MDGA2: variants seen among roughly 807,000 people sequenced by gnomAD.
The protein encoded by MDGA2 is MAM domain-containing glycosylphosphatidylinositol anchor protein 2.
MDGA2 carries 40 observed loss-of-function variants against 117.8 expected under a neutral mutation model. The ratio of observed to expected loss-of-function variants is 0.34; its 90% confidence interval spans 0.26 to 0.44. The LOEUF is 0.44. Ranked by LOEUF, MDGA2 falls within the 20% of genes least tolerant of loss-of-function variation. MDGA2 has a pLI of 1.00. For missense variants in MDGA2, 1,123 were observed against 1,250.6 expected (o/e 0.90, Z 1.54); for synonymous variants, 452 against 439.0 (o/e 1.03, Z -0.37).
chr14:47,286,266 A>C (rs1006706721), intron 2 of MDGA2, among the ~76,000 whole-genome samples: 5 of 152,084 alleles, frequency 3.3e-5, no homozygotes, highest in African/African-American at 9.7e-5. Context: ...TTTGAAATGT[A>C]GAAAAATTTA....
chr14:47,550,152 C>G (rs1379996947), intron 1 of MDGA2, among the ~76,000 whole-genome samples: 1 of 152,094 alleles, frequency 6.6e-6, no homozygotes, highest in Non-Finnish European at 1.5e-5. Flanking sequence ...TACCCCTGCC[C>G]CCACGTCTTT....
At chr14:47,167,022 A>T (rs1344254608) in intron 3 of MDGA2, among the ~76,000 whole-genome samples, 3 of 152,166 alleles carry the variant, frequency 2.0e-5, no homozygotes, top group Admixed American at 2.0e-4. Flanking sequence ...GCACTCAGAA[A>T]ATTGGGAAAA....
chr14:46,927,067 CA>C (rs1282795101), intron 9 of MDGA2, among the ~76,000 whole-genome samples: 1 of 152,002 alleles, frequency 6.6e-6, no homozygotes, highest in African/African-American at 2.4e-5. Context: ...GAAAAGGAGT[CA>C]AAAATTTCAT....
At chr14:47,667,712 G>A (rs931785943) in intron 1 of MDGA2, among the ~76,000 whole-genome samples, 2 of 152,188 alleles carry the variant, frequency 1.3e-5, no homozygotes, top group African/African-American at 4.8e-5. Flanking sequence ...AAGACTTAGA[G>A]ACGCCTAGCT....
At chr14:47,415,610 A>G (rs1892459761) in intron 1 of MDGA2, among the ~76,000 whole-genome samples, 1 of 152,216 alleles carries the variant, frequency 6.6e-6, no homozygotes, top group South Asian at 2.1e-4. Context: ...GTATATTACT[A>G]TCTGCAGTCC....
At chr14:47,136,272 C>T (rs542789302) in intron 4 of MDGA2, among the ~76,000 whole-genome samples, 112 of 150,518 alleles carry the variant, frequency 7.4e-4, no homozygotes, top group Non-Finnish European at 1.2e-3. Context: ...AACCTCGGCT[C>T]GCTGAAACTC....
chr14:47,131,995 C>A (rs1882230257), intron 4 of MDGA2, 149 bp from the exon 5 acceptor site: 1 of 546,936 alleles, frequency 1.8e-6, no homozygotes, highest in Admixed American at 3.9e-5. Flanking sequence ...TCCTATCTTT[C>A]AAATAAGTTA....
chr14:47,036,374 C>A (rs964664148), intron 7 of MDGA2, among the ~76,000 whole-genome samples: 2 of 150,308 alleles, frequency 1.3e-5, no homozygotes, highest in African/African-American at 4.9e-5. Flanking sequence ...TTTACTGTAA[C>A]TTACTTTATT....
At chr14:47,625,008 A>G (rs1566546856) in intron 1 of MDGA2, among the ~76,000 whole-genome samples, 2 of 152,052 alleles carry the variant, frequency 1.3e-5, no homozygotes, top group African/African-American at 4.8e-5. Context: ...AATCACTGAA[A>G]CTCTCATTTT....
intron 1 of MDGA2, among the ~76,000 whole-genome samples, chr14:47,464,900 A>G (rs1893568168): frequency 6.6e-6 from 1 of 152,084 alleles, no homozygotes; most frequent in Non-Finnish European, 1.5e-5. Flanking sequence ...AAACAAAAAA[A>G]TAAAAACAAA....
chr14:47,415,084 G>T (rs1259099402), intron 1 of MDGA2, among the ~76,000 whole-genome samples: 1 of 152,058 alleles, frequency 6.6e-6, no homozygotes, highest in African/African-American at 2.4e-5. Flanking sequence ...ATTCTGATGT[G>T]ATGAAGACTC....
At chr14:47,582,708 G>C (rs1366386198) in intron 1 of MDGA2, among the ~76,000 whole-genome samples, 1 of 151,828 alleles carries the variant, frequency 6.6e-6, no homozygotes, top group Admixed American at 6.6e-5. Flanking sequence ...GTGCTACAGT[G>C]CTACATAACC....
At chr14:47,157,937 CT>C (rs1051958205) in intron 3 of MDGA2, among the ~76,000 whole-genome samples, 184 of 151,162 alleles carry the variant, frequency 1.2e-3, no homozygotes, top group Middle Eastern at 3.4e-3. Context: ...AATTAAATGT[CT>C]TTTTTTTGTA....
At chr14:47,490,923 A>G (rs1894155506) in intron 1 of MDGA2, among the ~76,000 whole-genome samples, 1 of 152,056 alleles carries the variant, frequency 6.6e-6, no homozygotes, top group African/African-American at 2.4e-5. Context: ...TGTATATGCA[A>G]TAAGAGGGAA....
At chr14:47,023,766 A>C (rs536395474) in intron 8 of MDGA2, among the ~76,000 whole-genome samples, 1 of 152,312 alleles carries the variant, frequency 6.6e-6, no homozygotes, top group South Asian at 2.1e-4. Context: ...GAATTCATAC[A>C]GAAACTAAGT....
intron 1 of MDGA2, among the ~76,000 whole-genome samples, chr14:47,319,838 T>G (rs1367324833): frequency 3.3e-5 from 5 of 152,314 alleles, no homozygotes; most frequent in Middle Eastern, 3.4e-3. Context: ...TGCTGGAGTC[T>G]CAACCTCCAT....
At chr14:47,660,907 G>A (rs568052291) in intron 1 of MDGA2, among the ~76,000 whole-genome samples, 1 of 151,518 alleles carries the variant, frequency 6.6e-6, no homozygotes, top group African/African-American at 2.4e-5. Flanking sequence ...ATGAGAGAGA[G>A]TCCTCAGTAT....
At chr14:47,591,866 C>T (rs1028893701) in intron 1 of MDGA2, among the ~76,000 whole-genome samples, 20 of 151,990 alleles carry the variant, frequency 1.3e-4, no homozygotes, top group African/African-American at 4.4e-4. Flanking sequence ...CTTTTGAAAA[C>T]CGGCACAAGA....
chr14:46,980,743 A>G (rs1376039324), intron 8 of MDGA2, among the ~76,000 whole-genome samples: 6 of 152,220 alleles, frequency 3.9e-5, no homozygotes, highest in African/African-American at 1.4e-4. Flanking sequence ...CAAAAATACT[A>G]TGACTCACTA....
Sources: allele counts gnomAD v4.1 joint callset (sites outside exome capture counted in the v4.1 genomes callset), GRCh38; gene constraint gnomAD v4.1.1; transcripts MANE v1.5; gene names NCBI Gene and HGNC (gene_info 2026-07-23, HGNC 2026-07-21).